Variants in ADAMTSL1 observed in about 807,000 individuals in gnomAD.
ADAMTSL1 encodes ADAMTS-like protein 1.
In ADAMTSL1, 126 loss-of-function variants were observed where a neutral mutation model predicts 201.8. The observed-to-expected ratio is 0.62, with a 90% CI of 0.54 to 0.72. The LOEUF (loss-of-function observed/expected upper bound fraction) is 0.72. Among genes scored for constraint, ADAMTSL1 ranks in the 30% least tolerant of loss-of-function variants. ADAMTSL1 has a pLI of 0.00. For missense variants in ADAMTSL1, 2,679 were observed against 2,277.8 expected, an observed-to-expected ratio of 1.18 and a Z score of -3.59; for synonymous variants, 1,121 against 903.4, an observed-to-expected ratio of 1.24 and a Z score of -4.32.
At chr9:18,229,357 A>G (rs1206904848) in intron 2 of ADAMTSL1, among the ~76,000 whole-genome samples, 1 of 152,090 alleles carries the variant, frequency 6.6e-6, no homozygotes, top group African/African-American at 2.4e-5. Context: ...GGACATGATT[A>G]TGGTCCTTAA....
intron 2 of ADAMTSL1, among the ~76,000 whole-genome samples, chr9:18,349,742 A>C (rs942738256): frequency 1.3e-5 from 2 of 152,140 alleles, no homozygotes; most frequent in Non-Finnish European, 2.9e-5. Context: ...TTCCTGGGTC[A>C]GCCTGCCTGA....
intron 2 of ADAMTSL1, among the ~76,000 whole-genome samples, chr9:18,412,814 G>A (rs762457894): frequency 2.0e-5 from 3 of 152,104 alleles, no homozygotes; most frequent in African/African-American, 7.2e-5. Flanking sequence ...GATGTTCCAG[G>A]CTAAGCTATT....
At chr9:17,963,193 TC>T (rs2131404105) in intron 1 of ADAMTSL1, among the ~76,000 whole-genome samples, 1 of 152,344 alleles carries the variant, frequency 6.6e-6, no homozygotes, top group South Asian at 2.1e-4. Flanking sequence ...ATGAAAAATT[TC>T]AAACATACAG....
At chr9:18,175,917 A>G (rs1337845435) in intron 2 of ADAMTSL1, among the ~76,000 whole-genome samples, 1 of 150,352 alleles carries the variant, frequency 6.7e-6, no homozygotes, top group Non-Finnish European at 1.5e-5. Flanking sequence ...AAGACCAAGA[A>G]GGGAATTTTA....
chr9:18,746,554 C>T (rs1819156144), intron 15 of ADAMTSL1, among the ~76,000 whole-genome samples: 1 of 152,154 alleles, frequency 6.6e-6, no homozygotes, highest in South Asian at 2.1e-4. Context: ...CTTCATTTTA[C>T]ATTTCTGACT....
intron 2 of ADAMTSL1, among the ~76,000 whole-genome samples, chr9:18,527,940 C>A (rs768518194): frequency 1.3e-5 from 2 of 152,184 alleles, no homozygotes; most frequent in African/African-American, 4.8e-5. Flanking sequence ...TGCAATGGTA[C>A]AATCTCGGCT....
chr9:17,991,411 G>C (rs1450061845), intron 1 of ADAMTSL1, among the ~76,000 whole-genome samples: 1 of 152,116 alleles, frequency 6.6e-6, no homozygotes, highest in African/African-American at 2.4e-5. Flanking sequence ...TGGTAAAAAG[G>C]TTCTAATCCT....
intron 2 of ADAMTSL1, among the ~76,000 whole-genome samples, chr9:18,309,821 T>TA (rs374438993): frequency 0.038 from 5,652 of 148,230 alleles, 357 homozygotes; most frequent in African/African-American, 0.13. Context: ...TTCACAGAAT[T>TA]AAAAAAAAAA....
chr9:18,083,955 G>C (rs1823628956), intron 1 of ADAMTSL1, among the ~76,000 whole-genome samples: 1 of 152,162 alleles, frequency 6.6e-6, no homozygotes, highest in African/African-American at 2.4e-5. Context: ...CTCTGGATGA[G>C]AGTGAGTAAA....
chr9:18,699,232 G>A (rs994244741), intron 13 of ADAMTSL1, among the ~76,000 whole-genome samples: 9 of 152,006 alleles, frequency 5.9e-5, no homozygotes, highest in Non-Finnish European at 1.3e-4. Flanking sequence ...CAACCCAAAA[G>A]AGCGTCATTG....
intron 2 of ADAMTSL1, among the ~76,000 whole-genome samples, chr9:18,180,655 A>G (rs200315258): frequency 2.6e-4 from 39 of 149,968 alleles, no homozygotes; most frequent in South Asian, 1.1e-3. Context: ...CAAATGGAAG[A>G]ACATTCCATG....
At chr9:18,524,813 C>G (rs969784293) in intron 2 of ADAMTSL1, among the ~76,000 whole-genome samples, 1 of 152,130 alleles carries the variant, frequency 6.6e-6, no homozygotes, top group East Asian at 1.9e-4. Flanking sequence ...GGTGGACAAG[C>G]TTTTTGATGT....
chr9:18,792,060 G>A (rs1218329800), intron 19 of ADAMTSL1, among the ~76,000 whole-genome samples: 2 of 151,674 alleles, frequency 1.3e-5, no homozygotes, highest in Admixed American at 1.3e-4. Context: ...AATCAGACAG[G>A]TGCAGTAGTT....
intron 1 of ADAMTSL1, among the ~76,000 whole-genome samples, chr9:18,130,228 G>C (rs10738501): frequency 0.4 from 61,042 of 151,622 alleles, 13,120 homozygotes; most frequent in South Asian, 0.48. Context: ...CCTCGCATTA[G>C]TCATTGCGGG....
chr9:18,084,847 T>C (rs1220646861), intron 1 of ADAMTSL1, among the ~76,000 whole-genome samples: 8 of 152,122 alleles, frequency 5.3e-5, no homozygotes, highest in African/African-American at 9.7e-5. Context: ...CAGAAATATG[T>C]GCAAGTAAAA....
intron 5 of ADAMTSL1, among the ~76,000 whole-genome samples, chr9:18,629,910 A>C (rs999934370): frequency 2.0e-5 from 3 of 152,176 alleles, no homozygotes; most frequent in African/African-American, 7.2e-5. Context: ...CTTATGGAAC[A>C]CCATTATAGT....
chr9:18,047,417 G>C (rs1031991662), intron 1 of ADAMTSL1, among the ~76,000 whole-genome samples: 1 of 152,118 alleles, frequency 6.6e-6, no homozygotes, highest in Non-Finnish European at 1.5e-5. Context: ...CTTTACACAG[G>C]ACAAGCCTCT....
intron 2 of ADAMTSL1, among the ~76,000 whole-genome samples, chr9:18,427,878 T>C (rs1240860808): frequency 2.0e-5 from 3 of 152,260 alleles, no homozygotes; most frequent in Admixed American, 1.3e-4. Flanking sequence ...TCATTTCCCA[T>C]GACTGTGTTC....
chr9:18,352,090 A>G (rs1835991580), intron 2 of ADAMTSL1, among the ~76,000 whole-genome samples: 1 of 152,122 alleles, frequency 6.6e-6, no homozygotes, highest in Non-Finnish European at 1.5e-5. Context: ...TTAAGTTCAA[A>G]ATATATAAAA....
Sources: gnomAD v4.1 joint callset for allele counts (sites outside exome capture counted in the v4.1 genomes callset) on GRCh38, gnomAD v4.1.1 for gene constraint, MANE v1.5 for transcripts, NCBI Gene and HGNC (gene_info 2026-07-23, HGNC 2026-07-21) for gene names.